Variants in KCNQ1 observed in about 807,000 individuals in gnomAD.
KCNQ1 encodes potassium voltage-gated channel subfamily Q member 1, also known as potassium voltage-gated channel subfamily KQT member 1.
In KCNQ1, 49 loss-of-function variants were observed where a neutral mutation model predicts 72.4. The observed-to-expected ratio is 0.68, with a 90% CI of 0.54 to 0.86. KCNQ1 has a LOEUF of 0.86. Ranked by LOEUF, KCNQ1 falls within the 40% of genes least tolerant of loss-of-function variation. The pLI is 0.00. For synonymous variants in KCNQ1, 450 were observed against 412.6 expected, an observed-to-expected ratio of 1.09 and a Z score of -1.10; for missense variants, 790 against 945.1, an observed-to-expected ratio of 0.84 and a Z score of 2.15.
chr11:2,788,618 G>A (rs995379108), intron 15 of KCNQ1, among the ~76,000 whole-genome samples: 1 of 148,586 alleles, frequency 6.7e-6, no homozygotes, highest in African/African-American at 2.5e-5. Flanking sequence ...TGACAGGGCC[G>A]TAAATAGGCA....
chr11:2,621,167 G>A lies in KCNQ1; in HGVS notation c.1393+32313G>A, dbSNP rs1319730495. ...TAATTTTTGTGTTTTTAGTAGAGAC[G>A]GGGTTTCACCATGTTGGCCAGGATG... On this transcript the variant is annotated intron_variant, in intron 10 of 15. Coordinates refer to ENST00000155840, the MANE Select transcript of KCNQ1 (RefSeq NM_000218.3). The surrounding 1 kb of genome is among the most constrained non-coding windows in gnomAD (Gnocchi z 5.7). 1.0e-5 allele frequency: 4 copies of A among 396,782 alleles called. No homozygotes were observed. Among genetic ancestry groups the A allele is most frequent in the Non-Finnish European group, 1.8e-5 (4 of 225,704 alleles). The allele number at this position is 396,782 out of a possible 1,614,324, so 24.6% of individuals were successfully genotyped here.
At chr11:2,527,860 C>T in intron 1 of KCNQ1, 68 bp from the exon 2 acceptor site, 1 of 1,441,768 alleles carries the variant, frequency 6.9e-7, no homozygotes, top group East Asian at 2.3e-5. Context: ...GGGGCCCCTC[C>T]ACTCCCCAGG....
At chr11:2,622,860 C>T (rs1329720089) in intron 10 of KCNQ1, 7 of 398,550 alleles carry the variant, frequency 1.8e-5, no homozygotes, top group Non-Finnish European at 3.1e-5. Flanking sequence ...TTTGTTACAA[C>T]TTATGAATCT....
intron 10 of KCNQ1, chr11:2,629,092 C>A: frequency 2.5e-6 from 1 of 397,960 alleles, no homozygotes; most frequent in South Asian, 1.3e-4. Context: ...TAGTTTCTTT[C>A]AAATTTTAGG....
At chr11:2,648,981 C>CTTTTTTCTTTT (rs1849710956) in intron 10 of KCNQ1, 5 of 213,304 alleles carry the variant, frequency 2.3e-5, no homozygotes, top group Admixed American at 9.7e-5. Flanking sequence ...TTTTCTTTTT[C>CTTTTTTCTTTT]TTTTTTTTTT....
In KCNQ1 at chr11:2,723,952, C is replaced by G. The variant is rs1023319110; in HGVS notation, c.1515-44892C>G. Among the ~76,000 whole-genome samples the G allele has an allele frequency of 6.6e-6, 1 of 152,284 alleles. No individual in the cohort carries two copies. Among genetic ancestry groups the G allele is most frequent in the East Asian group, 1.9e-4 (1 of 5,174 alleles). On this transcript the variant is annotated intron_variant, in intron 11 of 15. Transcript: ENST00000155840. This position sits in a 1 kb window ranked among gnomAD's most constrained non-coding sequence, Gnocchi z 4.2. ...TCTCAGCCTTTGTATCTGCCGTGGGCGTGGAGGCATTTACTCTTTTCACCG... is the reference window on the plus strand; with the variant it reads ...TCTCAGCCTTTGTATCTGCCGTGGGGGTGGAGGCATTTACTCTTTTCACCG...
chr11:2,700,068 G>A (rs1010360868), intron 11 of KCNQ1: 14 of 397,924 alleles, frequency 3.5e-5, no homozygotes, highest in Non-Finnish European at 6.2e-5. Context: ...CCTGCTGATT[G>A]GGCGGCAGCA....
At chr11:2,773,399 C>G (rs897590145) in intron 12 of KCNQ1, among the ~76,000 whole-genome samples, 2 of 152,028 alleles carry the variant, frequency 1.3e-5, no homozygotes, top group Admixed American at 6.5e-5. Flanking sequence ...TCCAATCTTA[C>G]AGAAAGGAGG....
At chr11:2,460,825 T>G (rs1023174835) in intron 1 of KCNQ1, among the ~76,000 whole-genome samples, 2 of 152,212 alleles carry the variant, frequency 1.3e-5, no homozygotes, top group Admixed American at 1.3e-4. Context: ...AAAGACTGCT[T>G]CAAGCCTCTG....
intron 1 of KCNQ1, among the ~76,000 whole-genome samples, chr11:2,524,159 G>C (rs1466654758): frequency 1.3e-5 from 2 of 152,146 alleles, no homozygotes; most frequent in Non-Finnish European, 2.9e-5. Flanking sequence ...ATCTGAGTTG[G>C]AGGAAGAGAC....
At position 2,464,327 on chromosome 11, in the gene KCNQ1, A is replaced by G. The variant is rs2133586654; in HGVS notation, c.386+18843A>G. ...TGCTCATCTGAATTTTCTAATTAAA[A>G]ATATATTGCTTTTTAAAAATAATAA... On this transcript the variant is annotated intron_variant, in intron 1 of 15. Transcript: ENST00000155840. This position sits in a 1 kb window ranked among gnomAD's most constrained non-coding sequence, Gnocchi z 5.0. 6.6e-6 allele frequency among the ~76,000 whole-genome samples: 1 copy of G among 152,346 alleles called. No homozygotes were observed. Among genetic ancestry groups the G allele is most frequent in the Admixed American group, 6.5e-5 (1 of 15,304 alleles).
chr11:2,527,890 G>C (rs1564807198), intron 1 of KCNQ1, 38 bp from the exon 2 acceptor site: 1 of 1,584,480 alleles, frequency 6.3e-7, no homozygotes. Context: ...GGGATGGGCA[G>C]AGGCCGTGAT....
chr11:2,699,102 C>A (rs1028251946), intron 11 of KCNQ1: 1 of 398,648 alleles, frequency 2.5e-6, no homozygotes, highest in Non-Finnish European at 4.4e-6. Flanking sequence ...CCCAATAGCG[C>A]GGACTCAGAA....
rs532705474 is a variant in KCNQ1, at chr11:2,478,403, A to G, written c.386+32919A>G. On this transcript the variant is annotated intron_variant, in intron 1 of 15. Coordinates refer to ENST00000155840, the MANE Select transcript of KCNQ1 (RefSeq NM_000218.3). The surrounding 1 kb of genome is among the most constrained non-coding windows in gnomAD (Gnocchi z 4.0). ...TTTATAAAGGGAAGAGGTTTAATTG[A>G]CTCACAGTTCCACATGGCTGGGGAG... Among the ~76,000 whole-genome samples, 55 of 152,248 alleles carry G rather than the reference A, an allele frequency of 3.6e-4. No homozygotes were observed. Among genetic ancestry groups the G allele is most frequent in the Middle Eastern group, 3.4e-3 (1 of 294 alleles).
chr11:2,517,606 G>A (rs952232285), intron 1 of KCNQ1, among the ~76,000 whole-genome samples: 1 of 152,182 alleles, frequency 6.6e-6, no homozygotes, highest in Non-Finnish European at 1.5e-5. Context: ...GGGATGGCAG[G>A]GTTTCCCCCT....
chr11:2,605,507 A>G (rs997625362), intron 10 of KCNQ1, among the ~76,000 whole-genome samples: 1 of 152,126 alleles, frequency 6.6e-6, no homozygotes, highest in African/African-American at 2.4e-5. Flanking sequence ...TCTCATGTGG[A>G]TATCAGTTGT....
At chr11:2,531,523 C>T (rs1047402423) in intron 2 of KCNQ1, among the ~76,000 whole-genome samples, 1 of 152,184 alleles carries the variant, frequency 6.6e-6, no homozygotes. Context: ...TCCCAGCAGC[C>T]CTGCCCACTG....
Position 2,536,478 on chromosome 11 carries a change from TG to T in KCNQ1, c.477+8465del, listed in dbSNP as rs1294186889. 6.6e-6 allele frequency among the ~76,000 whole-genome samples: 1 copy of T among 151,822 alleles called. No individual in the cohort carries two copies. Among genetic ancestry groups the T allele is most frequent in the Non-Finnish European group, 1.5e-5 (1 of 67,938 alleles). ...CAGGGCTCAGCAGTTGCCTGGCCTG[TG>T]GGGGCAGAGGACCTGGGGAGACATG... is the stretch of plus-strand genomic sequence containing the variant. On this transcript the variant is annotated intron_variant, in intron 2 of 15. Coordinates refer to ENST00000155840, the MANE Select transcript of KCNQ1 (RefSeq NM_000218.3). The surrounding 1 kb of genome is among the most constrained non-coding windows in gnomAD (Gnocchi z 7.4).
rs540437698 is a variant in KCNQ1, at chr11:2,561,075, G to A, written c.478-9553G>A. ...AAATTAGCCGGGCGAGGTGGCGGGC[G>A]CCTGTAGTCCCAGCTACTCGGGAGG... On this transcript the variant is annotated intron_variant, in intron 2 of 15. Transcript: ENST00000155840. 9.9e-5 allele frequency among the ~76,000 whole-genome samples: 15 copies of A among 151,646 alleles called. No individual in the cohort carries two copies. The South Asian group carries it at 2.3e-3, about 23-fold the overall frequency.
Sources: gnomAD v4.1 joint callset for allele counts (sites outside exome capture counted in the v4.1 genomes callset) on GRCh38, gnomAD v4.1.1 for gene constraint, Gnocchi (gnomAD v3.1) non-coding constraint, MANE v1.5 for transcripts, NCBI Gene and HGNC (gene_info 2026-07-23, HGNC 2026-07-21) for gene names.